Variants in YIPF6 observed in about 807,000 individuals in gnomAD.
YIPF6 encodes Yip1 domain family member 6.
Under a neutral mutation model 16.8 loss-of-function variants are expected in YIPF6, and 3 were observed. That is an observed-to-expected ratio of 0.18 (90% confidence interval 0.08 to 0.46). The LOEUF is 0.46. YIPF6 is among the 20% of genes least tolerant of loss of function. YIPF6 has a pLI of 0.98. For synonymous variants in YIPF6, 67 were observed against 61.9 expected (o/e 1.08, Z -0.38); for missense variants, 145 against 184.9 (o/e 0.78, Z 1.25).
chrX:68,523,015 G>A, intron 6 of YIPF6, 98 bp downstream of exon 6: 2 of 1,004,728 alleles, frequency 2.0e-6, no homozygotes, highest in African/African-American at 1.9e-5. Flanking sequence ...AGTTAGATGT[G>A]AGTGATATGA....
chrX:68,499,294 C>A, intron 1 of YIPF6, 171 bp downstream of exon 1: 1 of 590,535 alleles, frequency 1.7e-6, no homozygotes, highest in Non-Finnish European at 2.5e-6. Flanking sequence ...TTGCGCTAAC[C>A]GCTTTGCCCC....
At chrX:68,521,058 G>T (rs2079123686) in intron 4 of YIPF6, among the ~76,000 whole-genome samples, 1 of 110,350 alleles carries the variant, frequency 9.1e-6, no homozygotes, top group Admixed American at 9.7e-5. Flanking sequence ...TAAGCCCAAG[G>T]CCTCATTATA....
At chrX:68,510,568 T>G (rs964346552) in intron 1 of YIPF6, 2 of 101,892 alleles carry the variant, frequency 2.0e-5, no homozygotes, top group African/African-American at 8.2e-5. Context: ...TTTATTTTAT[T>G]TTATTTTATA....
intron 6 of YIPF6, among the ~76,000 whole-genome samples, 162 bp from the exon 7 acceptor site, chrX:68,531,719 T>G (rs747332540): frequency 8.9e-6 from 1 of 112,347 alleles, no homozygotes; most frequent in Non-Finnish European, 1.9e-5. Context: ...AAAACTATGT[T>G]GCAGAATGCC....
chrX:68,503,479 C>T (rs1406268508), intron 1 of YIPF6, among the ~76,000 whole-genome samples: 1 of 111,911 alleles, frequency 8.9e-6, no homozygotes. Context: ...GGTCCATTAG[C>T]TGAGGTCCTG....
At chrX:68,530,989 T>G (rs982283338) in intron 6 of YIPF6, among the ~76,000 whole-genome samples, 7 of 111,430 alleles carry the variant, frequency 6.3e-5, no homozygotes, top group Non-Finnish European at 1.1e-4. Context: ...TGGAGTGGAA[T>G]GGTGCAACCG....
rs1298439835 is a variant in YIPF6, at chrX:68,535,900, TTCAGTGTCCCGAGTAGTTGG to T, written c.*3902_*3921del. ...CCCTGGGCTCAAGCAATCCTCCCACTTCAGTGTCCCGAGTAGTTGGGACTACAGGCATGCGTCACTACACC... is the reference window on the plus strand; with the variant it reads ...CCCTGGGCTCAAGCAATCCTCCCACTGACTACAGGCATGCGTCACTACACC... On this transcript the variant is annotated 3_prime_UTR_variant, in exon 7 of 7. Coordinates refer to ENST00000462683, the MANE Select transcript of YIPF6 (RefSeq NM_173834.4). 1 of 111,236 alleles carries T rather than the reference TTCAGTGTCCCGAGTAGTTGG, an allele frequency of 9.0e-6. No individual in the cohort carries two copies. Among genetic ancestry groups the T allele is most frequent in the Non-Finnish European group, 1.9e-5 (1 of 53,064 alleles). 9.2% of individuals were successfully genotyped at this position (111,236 alleles called of 1,213,427 possible).
rs974013627 is a variant in YIPF6, at chrX:68,531,967, A to G, written c.679A>G (p.Ser227Gly). The change falls in exon 7 of 7, where the codon AGT becomes GGT. Residue 227 changes from serine (S) to glycine (G), a missense_variant. Ser to Gly is a moderately conservative substitution (Grantham distance 56, BLOSUM62 0). Transcript: ENST00000462683. ...YPVFLFYFVI[S>G]WMILTFTPQ is the part of the protein sequence containing the mutation. ...TGTTTTCCTGTTTTACTTTGTCATC[A>G]GTTGGATGATTCTCACCTTTACTCC... The G allele has an allele frequency of 1.7e-6, 2 of 1,206,264 alleles. No homozygotes were observed. Among genetic ancestry groups the G allele is most frequent in the African/African-American group, 1.7e-5 (1 of 57,694 alleles).
intron 3 of YIPF6, among the ~76,000 whole-genome samples, chrX:68,518,192 A>C (rs993953952): frequency 1.9e-4 from 20 of 107,160 alleles, no homozygotes; most frequent in Non-Finnish European, 7.7e-5. Context: ...GAATTGCTTG[A>C]ACCCAGGAGG....
At chrX:68,506,487 C>G (rs1208156880) in intron 1 of YIPF6, among the ~76,000 whole-genome samples, 3 of 109,552 alleles carry the variant, frequency 2.7e-5, no homozygotes, top group Non-Finnish European at 5.7e-5. Context: ...ATTGCTTGAG[C>G]CCAGAGGTTC....
intron 1 of YIPF6, 165 bp downstream of exon 1, chrX:68,499,288 G>A: frequency 1.6e-6 from 1 of 640,084 alleles, no homozygotes; most frequent in Non-Finnish European, 2.3e-6. Context: ...TGTTCTTTGC[G>A]CTAACCGCTT....
At chrX:68,505,464 G>A (rs1569323241) in intron 1 of YIPF6, among the ~76,000 whole-genome samples, 1 of 112,200 alleles carries the variant, frequency 8.9e-6, no homozygotes, top group African/African-American at 3.2e-5. Flanking sequence ...TTCAAAGAGA[G>A]TGAGGCTTGA....
chrX:68,522,303 ATT>A (rs779420657), intron 5 of YIPF6, among the ~76,000 whole-genome samples: 2 of 101,844 alleles, frequency 2.0e-5, no homozygotes, highest in African/African-American at 3.6e-5. Context: ...CATGTACTTA[ATT>A]TTTTTTTTTT....
rs1171039199 is a variant in YIPF6, at chrX:68,531,963, C to T, written c.675C>T (p.Val225=). 4.1e-6 allele frequency: 5 copies of T among 1,205,711 alleles called. No individual in the cohort carries two copies. In the African/African-American group the frequency reaches 7.0e-5, roughly 17 times the overall value. ...AVYPVFLFYF[V]ISWMILTFTP... ...ATCCTGTTTTCCTGTTTTACTTTGT[C>T]ATCAGTTGGATGATTCTCACCTTTA... The change falls in exon 7 of 7, where the codon GTC becomes GTT. Residue 225 remains valine, a synonymous_variant. Transcript: ENST00000462683.
intron 1 of YIPF6, among the ~76,000 whole-genome samples, chrX:68,509,843 C>CT (rs2147819308): frequency 9.0e-6 from 1 of 111,717 alleles, no homozygotes; most frequent in East Asian, 2.8e-4. Context: ...CCTCTAGGGG[C>CT]TTTTTTCTAG....
chrX:68,499,301 C>A (rs2079032012), intron 1 of YIPF6, 178 bp downstream of exon 1: 1 of 553,844 alleles, frequency 1.8e-6, no homozygotes, highest in Non-Finnish European at 2.7e-6. Context: ...AACCGCTTTG[C>A]CCCCTGCCCT....
At chrX:68,513,977 T>TA (rs1167108987) in intron 3 of YIPF6, 4 of 109,035 alleles carry the variant, frequency 3.7e-5, no homozygotes, top group Non-Finnish European at 7.6e-5. Context: ...ATACATGTAA[T>TA]ACCAGCACTT....
intron 3 of YIPF6, among the ~76,000 whole-genome samples, chrX:68,517,170 C>A (rs1361480702): frequency 9.1e-6 from 1 of 109,885 alleles, no homozygotes; most frequent in Non-Finnish European, 1.9e-5. Context: ...GTTTTTGAGA[C>A]GGAGTCTTGC....
At position 68,536,034 on chromosome X, in the gene YIPF6, C is replaced by T. The variant is rs1472462398; in HGVS notation, c.*4035C>T. 2 of 111,993 alleles carry T rather than the reference C, an allele frequency of 1.8e-5. No homozygotes were observed. Among genetic ancestry groups the T allele is most frequent in the East Asian group, 5.6e-4 (2 of 3,574 alleles). The allele number at this position is 111,993 out of a possible 1,213,427, so 9.2% of individuals were successfully genotyped here. ...TGAATTCCTGGGCTCAAGCGATCCA[C>T]CTGCTTTGGCCTCCCAAAACAGTGG... On this transcript the variant is annotated 3_prime_UTR_variant, in exon 7 of 7. Coordinates refer to ENST00000462683, the MANE Select transcript of YIPF6 (RefSeq NM_173834.4).
Sources: gnomAD v4.1 joint callset for allele counts (sites outside exome capture counted in the v4.1 genomes callset) on GRCh38, gnomAD v4.1.1 for gene constraint, MANE v1.5 for transcripts, NCBI Gene and HGNC (gene_info 2026-07-23, HGNC 2026-07-21) for gene names.